The following ARHGAP42 variants were observed in gnomAD, a reference collection of about 807,000 sequenced individuals.
The protein encoded by ARHGAP42 is Rho GTPase activating protein 42, also known as rho GTPase-activating protein 42.
A neutral mutation model predicts 125.0 loss-of-function variants in ARHGAP42; 63 were observed. The ratio of observed to expected loss-of-function variants is 0.50; its 90% confidence interval spans 0.41 to 0.62. The LOEUF is 0.62. ARHGAP42 is among the 20% of genes least tolerant of loss of function. ARHGAP42 has a pLI of 0.00. For synonymous variants in ARHGAP42, 339 were observed against 351.0 expected (o/e 0.97, Z 0.38); for missense variants, 766 against 1,024.2 (o/e 0.75, Z 3.44).
At chr11:100,818,965 T>C (rs544507872) in intron 3 of ARHGAP42, among the ~76,000 whole-genome samples, 116 of 152,106 alleles carry the variant, frequency 7.6e-4, no homozygotes, top group African/African-American at 2.8e-3. Flanking sequence ...ATGGGTTATG[T>C]AGAGGAGCAG....
chr11:100,833,741 T>C (rs1864715965), intron 3 of ARHGAP42, among the ~76,000 whole-genome samples: 1 of 152,112 alleles, frequency 6.6e-6, no homozygotes, highest in Non-Finnish European at 1.5e-5. Context: ...TTCTTTGACC[T>C]AGCCCCTGCA....
chr11:100,705,791 C>T (rs916199955), intron 1 of ARHGAP42, among the ~76,000 whole-genome samples: 2 of 151,770 alleles, frequency 1.3e-5, no homozygotes, highest in African/African-American at 2.4e-5. Flanking sequence ...GGTCTCAAAC[C>T]CCTGGTCTCA....
intron 17 of ARHGAP42, among the ~76,000 whole-genome samples, chr11:100,970,743 G>T (rs1484462561): frequency 1.3e-5 from 2 of 152,018 alleles, no homozygotes; most frequent in Non-Finnish European, 2.9e-5. Flanking sequence ...ATTGCTCTTG[G>T]CACTGGCTGA....
At chr11:100,716,299 A>G (rs1231320837) in intron 1 of ARHGAP42, among the ~76,000 whole-genome samples, 1 of 152,204 alleles carries the variant, frequency 6.6e-6, no homozygotes, top group Non-Finnish European at 1.5e-5. Flanking sequence ...ACCACTGCAC[A>G]TTTTAAGACC....
intron 3 of ARHGAP42, among the ~76,000 whole-genome samples, chr11:100,814,035 A>G (rs1864207891): frequency 6.6e-6 from 1 of 152,158 alleles, no homozygotes; most frequent in Admixed American, 6.5e-5. Flanking sequence ...TACTAAAAAT[A>G]CAAAAAAATT....
chr11:100,931,154 G>A (rs2135257927), intron 6 of ARHGAP42, among the ~76,000 whole-genome samples: 1 of 152,224 alleles, frequency 6.6e-6, no homozygotes, highest in South Asian at 2.1e-4. Context: ...CCACCAGAAA[G>A]CAAAAGTATC....
At chr11:100,987,465 T>A (rs1174979934) in intron 22 of ARHGAP42, 48 bp from the exon 23 acceptor site, 2 of 1,411,726 alleles carry the variant, frequency 1.4e-6, no homozygotes, top group Admixed American at 4.0e-5. Context: ...AATATAGATG[T>A]CCTTAGGTTG....
At chr11:100,704,617 G>GAGGATGAA (rs1190600226) in intron 1 of ARHGAP42, among the ~76,000 whole-genome samples, 3 of 151,820 alleles carry the variant, frequency 2.0e-5, no homozygotes, top group Non-Finnish European at 4.4e-5. Context: ...GAGGGGATGA[G>GAGGATGAA]AGGATGAAAC....
chr11:100,988,176 C>G (rs1431031920), intron 23 of ARHGAP42, among the ~76,000 whole-genome samples: 1 of 152,066 alleles, frequency 6.6e-6, no homozygotes, highest in East Asian at 1.9e-4. Flanking sequence ...TCCTCTCCTG[C>G]AGGCATTTGT....
At position 100,968,092 on chromosome 11, in the gene ARHGAP42, G is replaced by T. The variant is rs186780432; in HGVS notation, c.1550+2316G>T. Reference sequence around the variant, plus strand: ...ATTTCTTTGTTTTAAAATCTATTTTGTATGATATTGGTACAGTTCTTCTGG... The same window carrying T: ...ATTTCTTTGTTTTAAAATCTATTTTTTATGATATTGGTACAGTTCTTCTGG... On this transcript the variant is annotated intron_variant, in intron 17 of 23. Transcript: ENST00000298815. Among the ~76,000 whole-genome samples the T allele has an allele frequency of 3.3e-5, 5 of 152,168 alleles. No homozygotes were observed. In the South Asian group the frequency reaches 1.0e-3, roughly 32 times the overall value.
intron 1 of ARHGAP42, among the ~76,000 whole-genome samples, chr11:100,734,762 T>G (rs1232938268): frequency 2.0e-5 from 3 of 152,222 alleles, no homozygotes; most frequent in African/African-American, 7.2e-5. Flanking sequence ...CTTCTCATAC[T>G]CTACTTAACT....
chr11:100,835,704 A>G (rs1193424254), intron 3 of ARHGAP42, among the ~76,000 whole-genome samples: 2 of 151,940 alleles, frequency 1.3e-5, no homozygotes, highest in African/African-American at 4.8e-5. Context: ...ATTGCCATAC[A>G]CTTTTTTTCA....
chr11:100,727,611 A>C (rs1275671010), intron 1 of ARHGAP42, among the ~76,000 whole-genome samples: 2 of 152,138 alleles, frequency 1.3e-5, no homozygotes, highest in East Asian at 3.9e-4. Context: ...ATACAATTCC[A>C]TGAACTATGA....
intron 3 of ARHGAP42, among the ~76,000 whole-genome samples, chr11:100,815,773 A>G (rs746521996): frequency 2.6e-5 from 4 of 152,186 alleles, no homozygotes; most frequent in Non-Finnish European, 5.9e-5. Context: ...TGCAAAATTG[A>G]AACTCTATAC....
At chr11:100,779,897 G>A (rs976865255) in intron 2 of ARHGAP42, among the ~76,000 whole-genome samples, 2 of 151,406 alleles carry the variant, frequency 1.3e-5, no homozygotes, top group African/African-American at 4.9e-5. Flanking sequence ...ATGGTGGCGC[G>A]TGCCTGTTGT....
chr11:100,716,595 GTA>G (rs1025017056), intron 1 of ARHGAP42, among the ~76,000 whole-genome samples: 4 of 152,024 alleles, frequency 2.6e-5, no homozygotes, highest in Admixed American at 6.6e-5. Flanking sequence ...GTTTTATATC[GTA>G]TAGGGTAAAA....
chr11:100,740,924 G>A (rs1167090844), intron 1 of ARHGAP42, among the ~76,000 whole-genome samples: 1 of 152,178 alleles, frequency 6.6e-6, no homozygotes, highest in East Asian at 1.9e-4. Flanking sequence ...GGGACATGTG[G>A]CCTTATTCTA....
chr11:100,806,744 C>T (rs1215920033), intron 3 of ARHGAP42, among the ~76,000 whole-genome samples: 1 of 152,126 alleles, frequency 6.6e-6, no homozygotes, highest in Non-Finnish European at 1.5e-5. Flanking sequence ...AGATCATATA[C>T]AGTTTATCAT....
intron 3 of ARHGAP42, among the ~76,000 whole-genome samples, chr11:100,820,944 CTTTT>C (rs1225287210): frequency 1.4e-5 from 2 of 143,440 alleles, no homozygotes; most frequent in African/African-American, 5.5e-5. Context: ...TGTGGGTCAT[CTTTT>C]TTTGTTTGTT....
Sources: gnomAD v4.1 joint callset for allele counts (sites outside exome capture counted in the v4.1 genomes callset) on GRCh38, gnomAD v4.1.1 for gene constraint, MANE v1.5 for transcripts, NCBI Gene and HGNC (gene_info 2026-07-23, HGNC 2026-07-21) for gene names.